KIAA0319: variants seen among roughly 807,000 people sequenced by gnomAD.
The protein encoded by KIAA0319 is KIAA0319, also known as dyslexia-associated protein KIAA0319.
A neutral mutation model predicts 108.4 loss-of-function variants in KIAA0319; 83 were observed. The observed-to-expected ratio is 0.77, with a 90% CI of 0.64 to 0.92. The LOEUF (loss-of-function observed/expected upper bound fraction) is 0.92, where lower values mean the gene tolerates loss of function less well. Ranked by LOEUF, KIAA0319 falls within the 40% of genes least tolerant of loss-of-function variation. The pLI is 0.00. For missense variants in KIAA0319, 1,195 were observed against 1,322.4 expected, an observed-to-expected ratio of 0.90 and a Z score of 1.49; for synonymous variants, 484 against 510.4, an observed-to-expected ratio of 0.95 and a Z score of 0.70.
At chr6:24,579,580 T>C (rs997717506) in intron 8 of KIAA0319, among the ~76,000 whole-genome samples, 6 of 149,464 alleles carry the variant, frequency 4.0e-5, no homozygotes, top group Non-Finnish European at 7.4e-5. Context: ...TAACCATATA[T>C]ACCACACCAG....
At chr6:24,571,378 CAAA>C (rs34896696) in intron 11 of KIAA0319, among the ~76,000 whole-genome samples, 32 of 118,670 alleles carry the variant, frequency 2.7e-4, no homozygotes, top group Admixed American at 1.7e-4. Flanking sequence ...CCCTGTCTCA[CAAA>C]AAAAAAAAAA....
rs1160880996 is a variant in KIAA0319 at position 24,596,050 on chromosome 6, C to T, written c.624G>A (p.Glu208=). The T allele has an allele frequency of 6.2e-7, 1 of 1,613,952 alleles. No individual in the cohort carries two copies. Among genetic ancestry groups the T allele is most frequent in the African/African-American group, 1.3e-5 (1 of 74,924 alleles). The part of the protein sequence containing the change: ...SVGDSPAVPA[E]TQQDPELHYL... ...AATGGAGCTCAGGGTCCTGCTGCGT[C>T]TCCGCTGGCACCGCAGGACTGTCTC... Residue 208 remains glutamate, a synonymous_variant, in exon 3 of 21, where the codon GAG becomes GAA. Transcript: ENST00000378214.
chr6:24,556,206 C>A (rs546379907), intron 18 of KIAA0319, among the ~76,000 whole-genome samples: 1 of 144,958 alleles, frequency 6.9e-6, no homozygotes, highest in Admixed American at 6.9e-5. Flanking sequence ...TCCCCTCCTT[C>A]CTTCCTTTCT....
intron 6 of KIAA0319, among the ~76,000 whole-genome samples, chr6:24,581,969 C>T (rs1766620813): frequency 1.3e-5 from 2 of 152,184 alleles, no homozygotes; most frequent in Admixed American, 1.3e-4. Context: ...CATGGCGAAA[C>T]CCCACCTCTA....
At chr6:24,633,089 G>A (rs1374533530) in intron 1 of KIAA0319, among the ~76,000 whole-genome samples, 1 of 152,118 alleles carries the variant, frequency 6.6e-6, no homozygotes, top group Middle Eastern at 3.2e-3. Flanking sequence ...TTGGGGAGCT[G>A]CTGGAAAGAT....
At chr6:24,639,330 C>G (rs1250845986) in intron 1 of KIAA0319, among the ~76,000 whole-genome samples, 1 of 152,090 alleles carries the variant, frequency 6.6e-6, no homozygotes, top group African/African-American at 2.4e-5. Context: ...GCAATATTTT[C>G]ATTGGTAAGA....
chr6:24,583,648 T>G lies in KIAA0319; in HGVS notation c.1049A>C (p.Asn350Thr). 1 of 1,613,984 alleles carries G rather than the reference T, an allele frequency of 6.2e-7. No homozygotes were observed. Among genetic ancestry groups the G allele is most frequent in the Non-Finnish European group, 8.5e-7 (1 of 1,179,898 alleles). The change falls in exon 5 of 21, where the codon AAT (asparagine) becomes ACT (threonine). Residue 350 changes from asparagine to threonine, a missense_variant. Physicochemically the swap from Asn to Thr is moderately conservative, Grantham distance 65. Transcript: ENST00000378214. ...AACAAAGGCCTTCAGTTCAACTTCATTGTCGGGTAAAGTTATAATTAGGTT... is the reference window on the plus strand; with the variant it reads ...AACAAAGGCCTTCAGTTCAACTTCAGTGTCGGGTAAAGTTATAATTAGGTT... ...GDNLIITLPD[N>T]EVELKAFVAP...
downstream of KIAA0319, among the ~76,000 whole-genome samples, chr6:24,542,876 G>C (rs938394161): frequency 6.6e-6 from 1 of 152,320 alleles, no homozygotes; most frequent in African/African-American, 2.4e-5. Flanking sequence ...GGACTCAGAT[G>C]TATCAACCAA....
intron 1 of KIAA0319, among the ~76,000 whole-genome samples, chr6:24,632,679 T>C (rs2127589599): frequency 6.6e-6 from 1 of 152,164 alleles, no homozygotes; most frequent in South Asian, 2.1e-4. Flanking sequence ...AAGAAAGAGA[T>C]AGAGTGAAGG....
chr6:24,550,905 T>C (rs1033407864), intron 20 of KIAA0319, among the ~76,000 whole-genome samples: 7 of 152,108 alleles, frequency 4.6e-5, no homozygotes, highest in Admixed American at 1.3e-4. Flanking sequence ...CAAAATTTCA[T>C]TAAATTTATA....
rs1770260176 is a variant in KIAA0319 at position 24,599,411 on chromosome 6, G to C, written c.55+1638C>G. 1 of 549,966 alleles carries C rather than the reference G, an allele frequency of 1.8e-6. No individual in the cohort carries two copies. The highest frequency in any genetic ancestry group is 3.5e-6 in the Non-Finnish European group (1 of 285,692). The allele number at this position is 549,966 out of a possible 1,614,324, so 34.1% of individuals were successfully genotyped here. ...CCATTAAGGATGCCAATGCCAAGCT[G>C]TCCAAGCTGGAGGCCACCCTGCAGT... On this transcript the variant is annotated intron_variant, in intron 2 of 20. Transcript: ENST00000378214. This position sits in a 1 kb window ranked among gnomAD's most constrained non-coding sequence, Gnocchi z 4.1.
At chr6:24,579,788 C>G (rs920328933) in intron 8 of KIAA0319, 70 bp downstream of exon 8, 1 of 1,227,930 alleles carries the variant, frequency 8.1e-7, no homozygotes, top group Non-Finnish European at 1.2e-6. Context: ...AGCTTTGATG[C>G]AGAGCACTCA....
chr6:24,643,266 T>C (rs1582392255), intron 1 of KIAA0319, among the ~76,000 whole-genome samples: 1 of 152,174 alleles, frequency 6.6e-6, no homozygotes, highest in Non-Finnish European at 1.5e-5. Flanking sequence ...TATTTTCTTA[T>C]TATTGAATTC....
intron 6 of KIAA0319, 36 bp from the exon 7 acceptor site, chr6:24,581,049 C>T (rs116714495): frequency 0.022 from 29,215 of 1,351,720 alleles, 576 homozygotes; most frequent in African/African-American, 0.074. Context: ...GTTCAACATG[C>T]AAGACGTGAT....
rs532229542 is a variant in KIAA0319, at chr6:24,639,587, C to T, written c.-106+6149G>A. Among the ~76,000 whole-genome samples the T allele has an allele frequency of 2.3e-4, 35 of 152,224 alleles. No individual in the cohort carries two copies. In the South Asian group the frequency reaches 6.6e-3, roughly 29 times the overall value. On this transcript the variant is annotated intron_variant, in intron 1 of 20. Coordinates refer to ENST00000378214, the MANE Select transcript of KIAA0319 (RefSeq NM_014809.4). ...AAAGCTGGCTGGACGCGGTGGCTCACGCCTGTAATCCTAACACTTTGGGAG... is the reference window on the plus strand; with the variant it reads ...AAAGCTGGCTGGACGCGGTGGCTCATGCCTGTAATCCTAACACTTTGGGAG...
At chr6:24,584,244 C>T (rs941337356) in intron 4 of KIAA0319, among the ~76,000 whole-genome samples, 1 of 152,050 alleles carries the variant, frequency 6.6e-6, no homozygotes, top group Non-Finnish European at 1.5e-5. Context: ...GCAGCAGGAA[C>T]ATTAACTCTT....
At chr6:24,549,932 G>C (rs1265338093) in intron 20 of KIAA0319, among the ~76,000 whole-genome samples, 1 of 152,062 alleles carries the variant, frequency 6.6e-6, no homozygotes, top group East Asian at 1.9e-4. Flanking sequence ...GTGAGAATGG[G>C]GGTTCTATGA....
At chr6:24,633,777 C>A (rs1775869831) in intron 1 of KIAA0319, among the ~76,000 whole-genome samples, 2 of 152,036 alleles carry the variant, frequency 1.3e-5, no homozygotes, top group African/African-American at 2.4e-5. Context: ...TCAAAAAAAT[C>A]TTCTAAAATG....
At position 24,546,353 on chromosome 6, in the gene KIAA0319, G is replaced by T. The variant is rs1288239237; in HGVS notation, c.*812C>A. On this transcript the variant is annotated 3_prime_UTR_variant, in exon 21 of 21. Coordinates refer to ENST00000378214, the MANE Select transcript of KIAA0319 (RefSeq NM_014809.4). Reference sequence around the variant, plus strand: ...GCTTAATGAATTAATCACTTCTATTGCATTTAATGTAAACTGGGGATCCGT... The same window carrying T: ...GCTTAATGAATTAATCACTTCTATTTCATTTAATGTAAACTGGGGATCCGT... 3 of 151,800 alleles carry T rather than the reference G, an allele frequency of 2.0e-5. No homozygotes were observed. The highest frequency in any genetic ancestry group is 7.3e-5 in the African/African-American group (3 of 41,300). 9.4% of individuals were successfully genotyped at this position (151,800 alleles called of 1,614,324 possible). A position where few individuals can be genotyped will look rare whatever the true frequency, so the allele number is the denominator to read the frequency against.
Sources: gnomAD v4.1 joint callset for allele counts (sites outside exome capture counted in the v4.1 genomes callset) on GRCh38, gnomAD v4.1.1 for gene constraint, Gnocchi (gnomAD v3.1) non-coding constraint, MANE v1.5 for transcripts, NCBI Gene and HGNC (gene_info 2026-07-23, HGNC 2026-07-21) for gene names.